The following CDH23 variants were observed in gnomAD, a reference collection of about 807,000 sequenced individuals.
CDH23 encodes cadherin-23.
Under a neutral mutation model 317.1 loss-of-function variants are expected in CDH23, and 189 were observed. The observed-to-expected ratio is 0.60, with a 90% CI of 0.53 to 0.67. The LOEUF (loss-of-function observed/expected upper bound fraction) is 0.67, where lower values mean the gene tolerates loss of function less well. Among genes scored for constraint, CDH23 ranks in the 30% least tolerant of loss-of-function variants. The pLI is 0.00. For synonymous variants in CDH23, 1,839 were observed against 1,876.8 expected (o/e 0.98, Z 0.52); for missense variants, 4,401 against 4,592.4 (o/e 0.96, Z 1.20).
rs2132597135 is a variant in CDH23 at position 71,646,548 on chromosome 10, C to T, written c.1380C>T (p.Phe460=). The change falls in exon 14 of 70, where the codon TTC becomes TTT. Residue 460 remains phenylalanine, a synonymous_variant. Coordinates refer to ENST00000224721, the MANE Select transcript of CDH23 (RefSeq NM_022124.6). The stretch of plus-strand genomic sequence containing the variant: ...ATGAAAATGACAACCGGCCCATCTT[C>T]AGCCAGCCACTGTACAACATCAGCC... The part of the protein sequence containing the change: ...LINENDNRPI[F]SQPLYNISLY... 1 of 1,614,016 alleles carries T rather than the reference C, an allele frequency of 6.2e-7. No homozygotes were observed. The highest frequency in any genetic ancestry group is 8.5e-7 in the Non-Finnish European group (1 of 1,179,890).
chr10:71,704,971 G>A lies in CDH23; in HGVS notation c.2794G>A (p.Gly932Ser), dbSNP rs373305209. ...NGLVSYRMPV[G>S]MPRMDFLINS... Reference sequence around the variant, plus strand: ...CCTGGTGTCCTACCGCATGCCGGTGGGCATGCCCCGCATGGACTTCCTCAT... The same window carrying A: ...CCTGGTGTCCTACCGCATGCCGGTGAGCATGCCCCGCATGGACTTCCTCAT... Residue 932 changes from glycine to serine, a missense_variant, in exon 25 of 70, where the codon GGC becomes AGC. Around this residue, in one of 3 missense-constraint regions of CDH23, gnomAD observed 3,068 missense variants for 3,203.3 expected, o/e 0.96. Coordinates refer to ENST00000224721, the MANE Select transcript of CDH23 (RefSeq NM_022124.6). 3 of 1,612,814 alleles carry A rather than the reference G, an allele frequency of 1.9e-6. No homozygotes were observed. Among genetic ancestry groups the A allele is most frequent in the Non-Finnish European group, 2.5e-6 (3 of 1,179,870 alleles).
intron 26 of CDH23, chr10:71,707,615 T>A: frequency 1.2e-6 from 1 of 811,856 alleles, no homozygotes; most frequent in Non-Finnish European, 1.5e-6. Context: ...TCTGCCACAG[T>A]GGTAGGATTG....
chr10:71,705,141 G>A lies in CDH23; in HGVS notation c.2953+11G>A, dbSNP rs747640354. On this transcript the variant is annotated intron_variant, in intron 25 of 69. Transcript: ENST00000224721. ...CGCTCACCATCCATGGTGAGGGGGCGCAGGGGCTTCTGCTGTGTGCTCAGT... is the reference window on the plus strand; with the variant it reads ...CGCTCACCATCCATGGTGAGGGGGCACAGGGGCTTCTGCTGTGTGCTCAGT... The A allele has an allele frequency of 2.1e-5, 33 of 1,604,282 alleles. No homozygotes were observed. In the Admixed American group the frequency reaches 3.2e-4, roughly 16 times the overall value.
rs189875782 is a variant in CDH23, at chr10:71,728,341, C to T, written c.3580-2128C>T. The stretch of plus-strand genomic sequence containing the variant: ...TGTCTGGACATGAAAATTCTAATGA[C>T]ACAGCAGAGCTTTGGGAACCCTAGA... On this transcript the variant is annotated intron_variant, in intron 30 of 69. Transcript: ENST00000224721. Among the ~76,000 whole-genome samples, 230 of 152,202 alleles carry T rather than the reference C, an allele frequency of 1.5e-3. 5 individuals carry two copies. The highest frequency in any genetic ancestry group is 5.3e-3 in the African/African-American group (222 of 41,502).
intron 26 of CDH23, 26 bp from the exon 27 acceptor site, chr10:71,709,072 G>C (rs78957875): frequency 6.2e-7 from 1 of 1,606,890 alleles, no homozygotes; most frequent in Admixed American, 1.7e-5. Context: ...TTTCCCAGCC[G>C]GAAGCTTCCT....
chr10:71,647,027 C>T, intron 14 of CDH23: 2 of 985,442 alleles, frequency 2.0e-6, no homozygotes, highest in Non-Finnish European at 2.4e-6. Flanking sequence ...CCGGGGCACC[C>T]CCAGCTGCCC....
At chr10:71,726,757 T>C (rs1866829685) in intron 30 of CDH23, among the ~76,000 whole-genome samples, 1 of 152,342 alleles carries the variant, frequency 6.6e-6, no homozygotes, top group African/African-American at 2.4e-5. Flanking sequence ...GTGACTGATG[T>C]CAGCGAAGCT....
In CDH23 at chr10:71,815,159, A is replaced by T. The variant is rs771756597; in HGVS notation, c.9946A>T (p.Thr3316Ser). 3 of 1,611,314 alleles carry T rather than the reference A, an allele frequency of 1.9e-6. No homozygotes were observed. The highest frequency in any genetic ancestry group is 2.7e-5 in the African/African-American group (2 of 74,908). ...CCTGGGCCGCTCGCTGGAGACGCTG[A>T]CCGCTGCCGAGGCCACTGCCTTCGA... ...KGLGRSLETL[T>S]AAEATAFERN... Residue 3316 changes from threonine to serine, a missense_variant, in exon 70 of 70, where the codon ACC becomes TCC. Physicochemically the swap from Thr to Ser is moderately conservative, Grantham distance 58. Around this residue, in one of 3 missense-constraint regions of CDH23, gnomAD observed 1,144 missense variants for 1,138.2 expected, o/e 1.01. Coordinates refer to ENST00000224721, the MANE Select transcript of CDH23 (RefSeq NM_022124.6).
At chr10:71,810,189 G>C in intron 61 of CDH23, 113 bp downstream of exon 61, 1 of 1,283,608 alleles carries the variant, frequency 7.8e-7, no homozygotes, top group South Asian at 1.4e-5. Flanking sequence ...AGGCAGTATA[G>C]TCCCTACTTA....
intron 6 of CDH23, among the ~76,000 whole-genome samples, chr10:71,533,443 C>T (rs565096110): frequency 1.3e-4 from 19 of 151,996 alleles, no homozygotes; most frequent in African/African-American, 3.9e-4. Context: ...AATGAAACAC[C>T]GCCCTGCCCC....
At chr10:71,616,317 G>C (rs921656799) in intron 10 of CDH23, among the ~76,000 whole-genome samples, 1 of 152,206 alleles carries the variant, frequency 6.6e-6, no homozygotes, top group Non-Finnish European at 1.5e-5. Context: ...CCCTTCCAGC[G>C]CCATGGGGAG....
chr10:71,715,863 G>A (rs1345765816), intron 28 of CDH23: 1 of 1,376,540 alleles, frequency 7.3e-7, no homozygotes, highest in Non-Finnish European at 9.6e-7. Context: ...GCAGCCTGCA[G>A]CACCGGTCTC....
intron 49 of CDH23, 120 bp downstream of exon 49, chr10:71,797,340 GGGCCAGGAGTCAGGCAACACAAGA>G: frequency 1.5e-6 from 1 of 679,222 alleles, no homozygotes; most frequent in Admixed American, 2.3e-5. Context: ...GTTGCTCTGG[GGGCCAGGAGTCAGGCAACACAAGA>G]GGCATGAAAG....
At chr10:71,578,980 G>A (rs1348155255) in intron 9 of CDH23, among the ~76,000 whole-genome samples, 1 of 152,168 alleles carries the variant, frequency 6.6e-6, no homozygotes, top group African/African-American at 2.4e-5. Context: ...AGTCTACTGT[G>A]CCATGTCATT....
chr10:71,793,243 C>A lies in CDH23; in HGVS notation c.6315C>A (p.Val2105=), dbSNP rs1564796511. Residue 2105 remains valine, a synonymous_variant, in exon 48 of 70, where the codon GTC becomes GTA. Transcript: ENST00000224721. ...ACAGTGGCCTCAATGGGGAGCTGGT[C>A]TACCGAATAGAAGCTGGGGCTCAGG... ...DEDSGLNGEL[V]YRIEAGAQDR... 1 of 1,613,910 alleles carries A rather than the reference C, an allele frequency of 6.2e-7. No individual in the cohort carries two copies. The highest frequency in any genetic ancestry group is 1.1e-5 in the South Asian group (1 of 91,056).
chr10:71,785,549 A>G, intron 43 of CDH23, 82 bp from the exon 44 acceptor site: 4 of 934,562 alleles, frequency 4.3e-6, no homozygotes, highest in East Asian at 2.6e-5. Flanking sequence ...TAGGGAGGCC[A>G]AGCAGAGCAG....
chr10:71,591,470 CA>C (rs1302827978), intron 9 of CDH23, among the ~76,000 whole-genome samples: 1 of 152,106 alleles, frequency 6.6e-6, no homozygotes, highest in African/African-American at 2.4e-5. Flanking sequence ...CTTCAGAGGC[CA>C]AGCTGATGCA....
At chr10:71,480,087 G>T (rs990773165) in intron 3 of CDH23, among the ~76,000 whole-genome samples, 1 of 152,200 alleles carries the variant, frequency 6.6e-6, no homozygotes, top group Non-Finnish European at 1.5e-5. Flanking sequence ...GGGGTGGAGA[G>T]AAGCACCTCT....
intron 60 of CDH23, 61 bp from the exon 61 acceptor site, chr10:71,809,759 C>T (rs1235972106): frequency 1.9e-6 from 3 of 1,578,508 alleles, no homozygotes; most frequent in African/African-American, 2.7e-5. Context: ...GCTCATGCCC[C>T]TTCCTGGGGA....
Sources: gnomAD v4.1 joint callset for allele counts (sites outside exome capture counted in the v4.1 genomes callset) on GRCh38, gnomAD v4.1.1 for gene constraint, gnomAD v4.1.1 regional missense constraint, MANE v1.5 for transcripts, NCBI Gene and HGNC (gene_info 2026-07-23, HGNC 2026-07-21) for gene names.